The following FRS2 variants were observed in gnomAD, a reference collection of about 807,000 sequenced individuals.
FRS2 encodes the protein fibroblast growth factor receptor substrate 2, also known as FGFR signalling adaptor.
Under a neutral mutation model 43.9 loss-of-function variants are expected in FRS2, and 8 were observed. The ratio of observed to expected loss-of-function variants is 0.18; its 90% CI spans 0.11 to 0.33. The LOEUF (loss-of-function observed/expected upper bound fraction) is 0.33. Among genes scored for constraint, FRS2 ranks in the 10% least tolerant of loss-of-function variants. The pLI, the probability that FRS2 is intolerant of heterozygous loss-of-function variation, is 1.00. For synonymous variants in FRS2, 219 were observed against 220.3 expected (o/e 0.99, Z 0.05); for missense variants, 534 against 627.6 (o/e 0.85, Z 1.59).
intron 1 of FRS2, among the ~76,000 whole-genome samples, chr12:69,503,895 A>G (rs775018269): frequency 6.6e-6 from 1 of 152,062 alleles, no homozygotes; most frequent in Non-Finnish European, 1.5e-5. Flanking sequence ...ATTAGTATTA[A>G]ATTGCTTTTA....
chr12:69,559,802 A>G (rs1441726987), intron 3 of FRS2, among the ~76,000 whole-genome samples: 1 of 151,734 alleles, frequency 6.6e-6, no homozygotes, highest in Non-Finnish European at 1.5e-5. Flanking sequence ...AAAAAAAAAC[A>G]ACCAGACCGT....
intron 4 of FRS2, among the ~76,000 whole-genome samples, chr12:69,566,908 C>T (rs974983924): frequency 2.0e-5 from 3 of 152,212 alleles, no homozygotes; most frequent in African/African-American, 7.2e-5. Flanking sequence ...TTCCAGTCTA[C>T]CCTGTAGTCC....
intron 1 of FRS2, among the ~76,000 whole-genome samples, chr12:69,530,068 C>A (rs894090445): frequency 6.6e-6 from 1 of 151,654 alleles, no homozygotes; most frequent in Non-Finnish European, 1.5e-5. Flanking sequence ...GAAAAAAAAA[C>A]AAAAACCAGT....
intron 4 of FRS2, among the ~76,000 whole-genome samples, chr12:69,567,931 A>G (rs558523582): frequency 6.6e-6 from 1 of 152,368 alleles, no homozygotes; most frequent in South Asian, 2.1e-4. Flanking sequence ...TGTTAAACTG[A>G]AGATAGTGGA....
chr12:69,504,998 T>TAAA (rs757685705), intron 1 of FRS2, among the ~76,000 whole-genome samples: 176 of 152,328 alleles, frequency 1.2e-3, no homozygotes, highest in Middle Eastern at 3.4e-3. Context: ...CATGCTGGGC[T>TAAA]AATTTGTATT....
At chr12:69,478,617 TTG>T (rs1239455566) in intron 1 of FRS2, among the ~76,000 whole-genome samples, 3 of 152,168 alleles carry the variant, frequency 2.0e-5, no homozygotes, top group Non-Finnish European at 2.9e-5. Flanking sequence ...AGACCAGTGT[TTG>T]TGAAGTATTC....
In FRS2 at chr12:69,570,497, G is replaced by C. The variant is rs1249741622; in HGVS notation, c.233G>C (p.Arg78Pro). The C allele has an allele frequency of 6.2e-7, 1 of 1,610,836 alleles. No individual in the cohort carries two copies. The highest frequency in any genetic ancestry group is 1.3e-5 in the African/African-American group (1 of 74,864). ...DSNLFSFESG[R>P]RCQTGQGIFA... ...AATCTCTTTTCTTTTGAAAGTGGTC[G>C]AAGGTGTCAAACTGGACAAGGTAGA... Residue 78 changes from arginine to proline, a missense_variant, in exon 6 of 9, where the codon CGA (arginine) becomes CCA (proline). By Grantham distance (103) the Arg-to-Pro change is moderately radical. This residue lies in a region of FRS2 where 12 missense variants were observed against 42.9 expected (regional missense o/e 0.28). Transcript: ENST00000549921.
chr12:69,510,156 A>G (rs1874324025), intron 1 of FRS2, among the ~76,000 whole-genome samples: 1 of 152,138 alleles, frequency 6.6e-6, no homozygotes, highest in Admixed American at 6.6e-5. Flanking sequence ...CTGCTGCAGC[A>G]CTTTTCATAG....
chr12:69,521,114 T>C (rs934012826), intron 1 of FRS2, among the ~76,000 whole-genome samples: 2 of 152,348 alleles, frequency 1.3e-5, no homozygotes, highest in Admixed American at 6.5e-5. Flanking sequence ...TAGAACTCTT[T>C]TACTCTCCTG....
chr12:69,526,537 T>C (rs1876246101), intron 1 of FRS2, among the ~76,000 whole-genome samples: 2 of 152,184 alleles, frequency 1.3e-5, no homozygotes, highest in African/African-American at 2.4e-5. Flanking sequence ...ATTAGTGTTA[T>C]CTGATAATGT....
chr12:69,538,020 T>C (rs1171564805), intron 3 of FRS2: 1 of 152,434 alleles, frequency 6.6e-6, no homozygotes, highest in African/African-American at 2.4e-5. Context: ...CTTTGTGGAT[T>C]TTGGGATTTG....
chr12:69,490,308 G>T (rs1456836613), intron 1 of FRS2, among the ~76,000 whole-genome samples: 2 of 151,960 alleles, frequency 1.3e-5, no homozygotes, highest in Non-Finnish European at 2.9e-5. Context: ...TGAAAAAGAT[G>T]AACTGTTTCT....
At chr12:69,485,942 C>G (rs1462463955) in intron 1 of FRS2, among the ~76,000 whole-genome samples, 1 of 152,164 alleles carries the variant, frequency 6.6e-6, no homozygotes, top group South Asian at 2.1e-4. Flanking sequence ...TAAAAAATAA[C>G]ATTTTTTTAT....
At chr12:69,545,210 A>G (rs1269937591) in intron 3 of FRS2, among the ~76,000 whole-genome samples, 1 of 152,212 alleles carries the variant, frequency 6.6e-6, no homozygotes, top group Non-Finnish European at 1.5e-5. Flanking sequence ...TGTGAATACT[A>G]AAAATAATCT....
intron 1 of FRS2, among the ~76,000 whole-genome samples, chr12:69,523,714 C>T (rs1875915007): frequency 6.6e-6 from 1 of 152,132 alleles, no homozygotes. Flanking sequence ...TGGTAAGGGT[C>T]TTTCCTTTCC....
chr12:69,534,077 C>T (rs1280243160), intron 3 of FRS2, among the ~76,000 whole-genome samples: 2 of 152,114 alleles, frequency 1.3e-5, no homozygotes, highest in Non-Finnish European at 1.5e-5. Context: ...TGATAGTCTA[C>T]TTGGAGTTAT....
chr12:69,546,736 G>A (rs991879627), intron 3 of FRS2, among the ~76,000 whole-genome samples: 11 of 152,274 alleles, frequency 7.2e-5, no homozygotes, highest in African/African-American at 2.4e-4. Context: ...ACAAATGTTG[G>A]TGAGGACGTG....
At chr12:69,475,228 T>A (rs1043008835) in intron 1 of FRS2, among the ~76,000 whole-genome samples, 1 of 152,352 alleles carries the variant, frequency 6.6e-6, no homozygotes, top group East Asian at 1.9e-4. Flanking sequence ...ATTTTTAGAC[T>A]GAGTTACCAT....
chr12:69,519,664 T>G (rs1328194584), intron 1 of FRS2, among the ~76,000 whole-genome samples: 1 of 152,178 alleles, frequency 6.6e-6, no homozygotes, highest in Non-Finnish European at 1.5e-5. Context: ...GGGTATTTGG[T>G]TTTCTGTTCC....
Sources: allele counts gnomAD v4.1 joint callset (sites outside exome capture counted in the v4.1 genomes callset), GRCh38; gene constraint gnomAD v4.1.1; regional missense constraint gnomAD v4.1.1; transcripts MANE v1.5; gene names NCBI Gene and HGNC (gene_info 2026-07-23, HGNC 2026-07-21).